LRRC28: variants seen among roughly 807,000 people sequenced by gnomAD.
LRRC28 encodes leucine rich repeat containing 28, also known as leucine-rich repeat-containing protein 28.
LRRC28 carries 39 observed loss-of-function variants against 45.7 expected under a neutral mutation model. The ratio of observed to expected loss-of-function variants is 0.85; its 90% CI spans 0.66 to 1.12. The LOEUF (loss-of-function observed/expected upper bound fraction) is 1.12. Among genes scored for constraint, LRRC28 ranks in the 50% most tolerant of loss-of-function variants. The pLI is 0.00. For missense variants in LRRC28, 435 were observed against 438.5 expected, an observed-to-expected ratio of 0.99 and a Z score of 0.07; for synonymous variants, 206 against 178.8, an observed-to-expected ratio of 1.15 and a Z score of -1.22.
intron 2 of LRRC28, among the ~76,000 whole-genome samples, chr15:99,272,640 CTG>C (rs1159959049): frequency 2.0e-5 from 3 of 152,166 alleles, no homozygotes; most frequent in Non-Finnish European, 4.4e-5. Flanking sequence ...TTTATACTAA[CTG>C]TGCTTGCTGA....
intron 6 of LRRC28, among the ~76,000 whole-genome samples, chr15:99,337,190 T>C (rs1362817988): frequency 6.6e-6 from 1 of 152,254 alleles, no homozygotes; most frequent in Admixed American, 6.5e-5. Context: ...CCTGCCTTTC[T>C]TTCAGCAGTG....
chr15:99,317,541 C>T (rs1158830677), intron 5 of LRRC28: 1 of 152,146 alleles, frequency 6.6e-6, no homozygotes, highest in Non-Finnish European at 1.5e-5. Context: ...TGTGTTGTTC[C>T]ATAAGGTCAG....
At chr15:99,350,107 C>A (rs1334934560) in intron 6 of LRRC28, among the ~76,000 whole-genome samples, 2 of 138,122 alleles carry the variant, frequency 1.4e-5, no homozygotes, top group Non-Finnish European at 3.0e-5. Flanking sequence ...CTGCAGTCCG[C>A]AGTCCGGCCT....
chr15:99,263,685 G>C (rs1168227843), intron 2 of LRRC28, among the ~76,000 whole-genome samples: 1 of 152,184 alleles, frequency 6.6e-6, no homozygotes, highest in Non-Finnish European at 1.5e-5. Context: ...TTCATTCTAT[G>C]TAGCAGCATT....
intron 2 of LRRC28, among the ~76,000 whole-genome samples, chr15:99,257,103 AATGCCTATAGTGGGTAGAAAGC>A (rs1197451918): frequency 6.6e-6 from 1 of 152,220 alleles, no homozygotes; most frequent in African/African-American, 2.4e-5. Flanking sequence ...ATCTATGTAC[AATGCCTATAGTGGGTAGAAAGC>A]ATTATAAAAT....
intron 5 of LRRC28, among the ~76,000 whole-genome samples, chr15:99,332,467 A>G (rs993519041): frequency 6.6e-6 from 1 of 152,254 alleles, no homozygotes; most frequent in Non-Finnish European, 1.5e-5. Flanking sequence ...TTACTTTTAT[A>G]AAGTAAAATA....
chr15:99,272,088 A>G (rs2081497012), intron 2 of LRRC28, among the ~76,000 whole-genome samples: 1 of 152,206 alleles, frequency 6.6e-6, no homozygotes, highest in African/African-American at 2.4e-5. Context: ...GTCCAAATTC[A>G]TTCTGCTTTC....
chr15:99,284,502 A>G, intron 3 of LRRC28: 2 of 453,612 alleles, frequency 4.4e-6, no homozygotes, highest in South Asian at 3.1e-5. Context: ...TCTTCTTTGT[A>G]GCAGGTAGGC....
At chr15:99,383,924 T>A (rs983346136) in intron 9 of LRRC28, among the ~76,000 whole-genome samples, 1 of 152,180 alleles carries the variant, frequency 6.6e-6, no homozygotes, top group Non-Finnish European at 1.5e-5. Flanking sequence ...GTGCTTAATG[T>A]ATCATATTCT....
intron 5 of LRRC28, among the ~76,000 whole-genome samples, chr15:99,332,631 A>G (rs1956196328): frequency 6.6e-6 from 1 of 152,170 alleles, no homozygotes; most frequent in African/African-American, 2.4e-5. Context: ...ACCATCCTTT[A>G]AAAATGTAAA....
In LRRC28 at chr15:99,310,810, G is replaced by A. The variant is rs1383754758; in HGVS notation, c.385+22859G>A. 2.6e-5 allele frequency among the ~76,000 whole-genome samples: 4 copies of A among 152,160 alleles called. No individual in the cohort carries two copies. The East Asian group carries it at 7.7e-4, about 29-fold the overall frequency. ...TGCCAACACTATACTCTTCTGTAAG[G>A]TGTTTCACGCAATACGGCTGTCCAC... On this transcript the variant is annotated intron_variant, in intron 5 of 9. Transcript: ENST00000301981.
chr15:99,302,738 C>G (rs976282500), intron 5 of LRRC28, among the ~76,000 whole-genome samples: 2 of 152,158 alleles, frequency 1.3e-5, no homozygotes, highest in East Asian at 1.9e-4. Context: ...TGTTCTCACC[C>G]GCAGTCAACC....
At chr15:99,383,308 A>G (rs147407551) in intron 9 of LRRC28, among the ~76,000 whole-genome samples, 207 of 152,372 alleles carry the variant, frequency 1.4e-3, no homozygotes, top group African/African-American at 4.1e-3. Context: ...TAAGGTACCC[A>G]GGGAACGTGC....
intron 2 of LRRC28, among the ~76,000 whole-genome samples, chr15:99,270,812 C>T (rs535634790): frequency 9.9e-5 from 15 of 152,256 alleles, no homozygotes; most frequent in Admixed American, 2.6e-4. Flanking sequence ...CAGGGTCATA[C>T]GGTAATTTTA....
At chr15:99,268,671 C>G (rs1454159021) in intron 2 of LRRC28, among the ~76,000 whole-genome samples, 3 of 152,158 alleles carry the variant, frequency 2.0e-5, no homozygotes, top group Non-Finnish European at 4.4e-5. Flanking sequence ...ACCCCACCCC[C>G]GCAAAACCAA....
chr15:99,365,937 C>T lies in LRRC28; in HGVS notation c.1031+2672C>T, dbSNP rs77175228. ...GCATAGCAAATTTTCACTTTCAAAA[C>T]TTATTGTTCATTTATTAAAATGGAG... On this transcript the variant is annotated intron_variant, in intron 9 of 9. Coordinates refer to ENST00000301981, the MANE Select transcript of LRRC28 (RefSeq NM_144598.5). Among the ~76,000 whole-genome samples, 912 of 152,290 alleles carry T rather than the reference C, an allele frequency of 6.0e-3. 7 individuals carry two copies. Among genetic ancestry groups the T allele is most frequent in the Non-Finnish European group, 0.01 (685 of 68,028 alleles).
chr15:99,317,783 T>A (rs1955649611), intron 5 of LRRC28, among the ~76,000 whole-genome samples: 1 of 152,168 alleles, frequency 6.6e-6, no homozygotes, highest in Admixed American at 6.6e-5. Context: ...CTGAAAAAAA[T>A]ATGACTTATA....
intron 5 of LRRC28, among the ~76,000 whole-genome samples, chr15:99,321,695 G>T (rs767339242): frequency 2.0e-5 from 3 of 152,062 alleles, no homozygotes; most frequent in Non-Finnish European, 2.9e-5. Context: ...TCTGGTCTGC[G>T]GCCACTGAAC....
intron 5 of LRRC28, among the ~76,000 whole-genome samples, chr15:99,291,160 T>C (rs745381994): frequency 2.6e-5 from 4 of 152,230 alleles, no homozygotes; most frequent in Non-Finnish European, 4.4e-5. Context: ...GTATATGTTT[T>C]GTGACTACTT....
Sources: allele counts gnomAD v4.1 joint callset (sites outside exome capture counted in the v4.1 genomes callset), GRCh38; gene constraint gnomAD v4.1.1; transcripts MANE v1.5; gene names NCBI Gene and HGNC (gene_info 2026-07-23, HGNC 2026-07-21).